Variants in LPIN1 observed in about 807,000 individuals in gnomAD.
LPIN1 encodes the protein phosphatidate phosphatase LPIN1.
A neutral mutation model predicts 107.5 loss-of-function variants in LPIN1; 71 were observed. The observed-to-expected ratio is 0.66, with a 90% CI of 0.55 to 0.80. LPIN1 has a LOEUF of 0.80. Ranked by LOEUF, LPIN1 falls within the 30% of genes least tolerant of loss-of-function variation. The pLI, the probability that LPIN1 is intolerant of heterozygous loss-of-function variation, is 0.00. For synonymous variants in LPIN1, 445 were observed against 452.6 expected, an observed-to-expected ratio of 0.98 and a Z score of 0.21; for missense variants, 1,043 against 1,160.6, an observed-to-expected ratio of 0.90 and a Z score of 1.47.
At chr2:11,686,855 C>T (rs1274753713) in intron 1 of LPIN1, among the ~76,000 whole-genome samples, 2 of 152,078 alleles carry the variant, frequency 1.3e-5, no homozygotes, top group East Asian at 3.9e-4. Context: ...CTCACCTTTC[C>T]TCTTCTGCCC....
chr2:11,679,061 G>A (rs1257678256), intron 1 of LPIN1, among the ~76,000 whole-genome samples: 2 of 152,224 alleles, frequency 1.3e-5, no homozygotes, highest in African/African-American at 2.4e-5. Flanking sequence ...CAGTGGACAG[G>A]TGGGGCTCTT....
chr2:11,712,885 T>C (rs1010258239), intron 1 of LPIN1, among the ~76,000 whole-genome samples: 3 of 152,360 alleles, frequency 2.0e-5, no homozygotes, highest in Non-Finnish European at 4.4e-5. Flanking sequence ...GCATATGTCC[T>C]ACCTGCTAGG....
chr2:11,733,771 C>T, intron 1 of LPIN1, among the ~76,000 whole-genome samples: 1 of 152,196 alleles, frequency 6.6e-6, no homozygotes, highest in Middle Eastern at 3.2e-3. Context: ...GGATTACAGG[C>T]GTGAGCCACT....
chr2:11,746,122 C>G (rs1360496628), upstream of LPIN1: 3 of 152,484 alleles, frequency 2.0e-5, no homozygotes, highest in Admixed American at 6.5e-5. Context: ...ACAGGGGTGG[C>G]CCGGCGTGGA....
At chr2:11,700,267 A>G (rs1355947870) in intron 1 of LPIN1, among the ~76,000 whole-genome samples, 1 of 152,176 alleles carries the variant, frequency 6.6e-6, no homozygotes, top group Non-Finnish European at 1.5e-5. Context: ...GTACAGAAAC[A>G]TAGCTTTGCA....
At chr2:11,723,829 C>T (rs968035654), upstream of LPIN1, 1 of 152,178 alleles carries the variant, frequency 6.6e-6, no homozygotes, top group Admixed American at 6.5e-5. Context: ...ATGTTAAAAA[C>T]TTCTAATTTT....
rs746711531 is a variant in LPIN1, at chr2:11,787,124, G to A, written c.1600G>A (p.Ala534Thr). 11 of 1,614,094 alleles carry A rather than the reference G, an allele frequency of 6.8e-6. No individual in the cohort carries two copies. The East Asian group carries it at 1.1e-4, about 16-fold the overall frequency. The change falls in exon 11 of 21, where the codon GCT becomes ACT. Residue 534 changes from alanine to threonine, a missense_variant. Transcript: ENST00000674199. ...VSYQQFVDNP[A>T]IIDDPNLVVK... is the part of the protein sequence containing the mutation. ...ATATCAACAGTTTGTGGACAACCCCGCTATTATCGATGACCCCAATCTCGT... is the reference window on the plus strand; with the variant it reads ...ATATCAACAGTTTGTGGACAACCCCACTATTATCGATGACCCCAATCTCGT...
intron 10 of LPIN1, 123 bp downstream of exon 10, chr2:11,785,199 A>G: frequency 1.4e-6 from 1 of 720,442 alleles, no homozygotes; most frequent in Non-Finnish European, 2.2e-6. Context: ...ATGATAGCAC[A>G]GATGATAGCA....
chr2:11,687,504 C>T (rs1662070082), intron 1 of LPIN1, among the ~76,000 whole-genome samples: 1 of 152,058 alleles, frequency 6.6e-6, no homozygotes, highest in Non-Finnish European at 1.5e-5. Flanking sequence ...GGCTTTGTCT[C>T]TGAACTTGGG....
At chr2:11,802,414 T>C (rs1258836388) in intron 14 of LPIN1, among the ~76,000 whole-genome samples, 1 of 152,170 alleles carries the variant, frequency 6.6e-6, no homozygotes, top group Non-Finnish European at 1.5e-5. Flanking sequence ...GGTGAGTCTT[T>C]CTTGCTTTCA....
At chr2:11,787,242 C>T in intron 11 of LPIN1, 75 bp downstream of exon 11, 1 of 986,460 alleles carries the variant, frequency 1.0e-6, no homozygotes, top group Non-Finnish European at 1.6e-6. Flanking sequence ...TAGACCTAGA[C>T]ATTAAGCCTT....
In LPIN1 at chr2:11,689,669, C is replaced by T. The variant is rs149586871; in HGVS notation, c.81+11941C>T. Among the ~76,000 whole-genome samples, 808 of 152,252 alleles carry T rather than the reference C, an allele frequency of 5.3e-3. 5 individuals are homozygous for T. The highest frequency in any genetic ancestry group is 0.018 in the African/African-American group (745 of 41,544). ...TGCCTGTAATCCCAGCACTTTGGGC[C>T]GAGGCAGGCAGATTGTCTGAGGTCA... On this transcript the variant is annotated intron_variant, in intron 1 of 21. Coordinates refer to the LPIN1 transcript ENST00000449576.
rs1300074308 is a variant in LPIN1, at chr2:11,771,261, T to A, written c.289-111T>A. 6.6e-6 allele frequency: 7 copies of A among 1,060,106 alleles called. No homozygotes were observed. Among genetic ancestry groups the A allele is most frequent in the Non-Finnish European group, 1.4e-6 (1 of 694,094 alleles). 65.7% of individuals were successfully genotyped at this position (1,060,106 alleles called of 1,614,324 possible). A position where few individuals can be genotyped will look rare whatever the true frequency, so the allele number is the denominator to read the frequency against. On this transcript the variant is annotated intron_variant, in intron 3 of 20. Transcript: ENST00000674199. The surrounding 1 kb of genome is among the most constrained non-coding windows in gnomAD (Gnocchi z 4.8). ...CTAGCTGGGCCATCTGCTGTGGCCC[T>A]CCCCAGGAGGTGCTTGGCCTCTGAA...
At chr2:11,681,326 G>A (rs900104113) in intron 1 of LPIN1, 2 of 152,300 alleles carry the variant, frequency 1.3e-5, no homozygotes, top group African/African-American at 4.8e-5. Flanking sequence ...TTGGAGGAAA[G>A]GTTTGGTGGG....
chr2:11,790,390 A>T (rs924239632), intron 12 of LPIN1, among the ~76,000 whole-genome samples: 1 of 152,202 alleles, frequency 6.6e-6, no homozygotes, highest in Non-Finnish European at 1.5e-5. Flanking sequence ...GTCTGCTCAG[A>T]CTGCCGCATC....
intron 18 of LPIN1, 52 bp downstream of exon 18, chr2:11,815,292 C>G (rs1283615698): frequency 3.1e-6 from 5 of 1,604,106 alleles, no homozygotes; most frequent in African/African-American, 1.3e-5. Context: ...CAGACCCGCT[C>G]TCTTCCTAAC....
intron 1 of LPIN1, among the ~76,000 whole-genome samples, chr2:11,762,767 A>G (rs1453541278): frequency 6.6e-6 from 1 of 152,226 alleles, no homozygotes; most frequent in Non-Finnish European, 1.5e-5. Flanking sequence ...TTACATCATA[A>G]TATCACAGCG....
intron 1 of LPIN1, among the ~76,000 whole-genome samples, chr2:11,692,539 T>C (rs61430487): frequency 0.13 from 19,215 of 152,298 alleles, 3,571 homozygotes; most frequent in African/African-American, 0.41. Context: ...ATTCTTCAGT[T>C]GAATCTGATC....
intron 1 of LPIN1, among the ~76,000 whole-genome samples, chr2:11,690,898 T>C (rs1460359988): frequency 6.6e-6 from 1 of 152,146 alleles, no homozygotes; most frequent in Non-Finnish European, 1.5e-5. Context: ...TGTCTATATG[T>C]ATCTCAATTA....
Sources: gnomAD v4.1 joint callset for allele counts (sites outside exome capture counted in the v4.1 genomes callset) on GRCh38, gnomAD v4.1.1 for gene constraint, Gnocchi (gnomAD v3.1) non-coding constraint, MANE v1.5 for transcripts, NCBI Gene and HGNC (gene_info 2026-07-23, HGNC 2026-07-21) for gene names.